Variants in RAD17 observed in about 807,000 individuals in gnomAD.
RAD17 encodes RAD17 checkpoint clamp loader component, also known as cell cycle checkpoint protein RAD17.
Under a neutral mutation model 81.5 loss-of-function variants are expected in RAD17, and 31 were observed. That is an observed-to-expected ratio of 0.38 (90% CI 0.29 to 0.51). RAD17 has a LOEUF of 0.51. RAD17 is among the 20% of genes least tolerant of loss of function. The pLI is 0.88. For synonymous variants in RAD17, 261 were observed against 266.2 expected (o/e 0.98, Z 0.19); for missense variants, 681 against 781.2 (o/e 0.87, Z 1.53).
intron 12 of RAD17, among the ~76,000 whole-genome samples, chr5:69,391,487 C>G (rs982392696): frequency 7.9e-5 from 12 of 152,104 alleles, no homozygotes; most frequent in African/African-American, 2.7e-4. Flanking sequence ...CTCCAATGAG[C>G]ATTTCCTTTG....
intron 17 of RAD17, 55 bp downstream of exon 17, chr5:69,400,224 A>ATTTATTTT: frequency 8.5e-7 from 1 of 1,175,002 alleles, no homozygotes; most frequent in Non-Finnish European, 1.1e-6. Context: ...TTATTTATTT[A>ATTTATTTT]TTTATTTTAT....
intron 6 of RAD17, among the ~76,000 whole-genome samples, chr5:69,378,419 A>G (rs1286639322): frequency 2.0e-5 from 3 of 152,126 alleles, no homozygotes; most frequent in Admixed American, 6.5e-5. Flanking sequence ...GGCTGTACCC[A>G]CTCTGTCAGA....
intron 7 of RAD17, 32 bp downstream of exon 7, chr5:69,382,089 T>G (rs534763904): frequency 9.7e-5 from 155 of 1,594,432 alleles, no homozygotes; most frequent in Non-Finnish European, 1.3e-4. Flanking sequence ...GTAGAAGTAG[T>G]GGGGCAAACC....
intron 17 of RAD17, among the ~76,000 whole-genome samples, chr5:69,400,538 A>G (rs1395012069): frequency 2.0e-5 from 3 of 152,004 alleles, no homozygotes; most frequent in East Asian, 3.9e-4. Flanking sequence ...TTATAGCAAT[A>G]TCTTTTTGTG....
At chr5:69,370,133 G>C (rs923929683) in intron 1 of RAD17, 200 bp downstream of exon 1, 3 of 194,266 alleles carry the variant, frequency 1.5e-5, no homozygotes, top group Non-Finnish European at 3.1e-5. Flanking sequence ...CTGATTACAG[G>C]ATTACGTTGG....
At chr5:69,411,963 CT>C (rs376865716) in intron 18 of RAD17, among the ~76,000 whole-genome samples, 34 of 148,666 alleles carry the variant, frequency 2.3e-4, no homozygotes, top group African/African-American at 6.4e-4. Context: ...ATTTTCTTTT[CT>C]TTTTTTTTTG....
In RAD17 at chr5:69,380,706, T is replaced by G. The variant is rs138067453; in HGVS notation, c.352-1195T>G. 2.6e-3 allele frequency among the ~76,000 whole-genome samples: 400 copies of G among 152,198 alleles called. 1 individual carries two copies. The highest frequency in any genetic ancestry group is 9.4e-3 in the African/African-American group (391 of 41,524). On this transcript the variant is annotated intron_variant, in intron 6 of 18. Transcript: ENST00000354868. ...AATTTACGGTATGAGGGAATGTTAC[T>G]GGGATCCACAACCTCTAGTCTCTCG...
chr5:69,377,661 G>GCA (rs1561240454), intron 6 of RAD17, among the ~76,000 whole-genome samples: 1 of 75,578 alleles, frequency 1.3e-5, no homozygotes, highest in African/African-American at 4.3e-5. Flanking sequence ...ATATATATAT[G>GCA]TATACATATA....
chr5:69,393,528 T>C, intron 15 of RAD17, 28 bp downstream of exon 15: 2 of 1,561,102 alleles, frequency 1.3e-6, no homozygotes, highest in Non-Finnish European at 1.7e-6. Flanking sequence ...AAAATGTTTA[T>C]GTTTATAGTA....
chr5:69,408,830 A>G (rs1765795530), intron 17 of RAD17, among the ~76,000 whole-genome samples: 1 of 151,914 alleles, frequency 6.6e-6, no homozygotes, highest in South Asian at 2.1e-4. Flanking sequence ...TTACTATCTA[A>G]TTGCTCTGTT....
chr5:69,377,046 G>A (rs1462013609), intron 6 of RAD17, among the ~76,000 whole-genome samples: 1 of 152,042 alleles, frequency 6.6e-6, no homozygotes, highest in Admixed American at 6.6e-5. Context: ...GAGTCATCAC[G>A]CCCAGCCAAT....
At chr5:69,410,246 G>A (rs1765883145) in intron 17 of RAD17, among the ~76,000 whole-genome samples, 1 of 152,114 alleles carries the variant, frequency 6.6e-6, no homozygotes. Flanking sequence ...TTCCACAGCA[G>A]CTACACCATT....
At chr5:69,399,072 G>A (rs1390300170) in intron 16 of RAD17, among the ~76,000 whole-genome samples, 2 of 151,804 alleles carry the variant, frequency 1.3e-5, no homozygotes, top group Non-Finnish European at 1.5e-5. Context: ...TTTGAGACCA[G>A]CAATATAGTG....
chr5:69,386,926 CTT>C (rs377383013), intron 11 of RAD17, among the ~76,000 whole-genome samples: 16 of 138,496 alleles, frequency 1.2e-4, no homozygotes, highest in Non-Finnish European at 1.1e-4. Flanking sequence ...GCTGTTGTCA[CTT>C]TTTTTTTTTT....
chr5:69,376,450 G>T (rs1352531390), intron 6 of RAD17, among the ~76,000 whole-genome samples: 1 of 152,192 alleles, frequency 6.6e-6, no homozygotes, highest in Admixed American at 6.5e-5. Flanking sequence ...AACTAGAAAG[G>T]CAGGATAAGT....
At chr5:69,402,003 CA>C (rs1173414879) in intron 17 of RAD17, among the ~76,000 whole-genome samples, 331 of 44,904 alleles carry the variant, frequency 7.4e-3, no homozygotes, top group African/African-American at 0.024. Context: ...GACTCTGTCT[CA>C]AAAAAAAAAA....
At chr5:69,409,474 C>T (rs1438084115) in intron 17 of RAD17, among the ~76,000 whole-genome samples, 1 of 152,072 alleles carries the variant, frequency 6.6e-6, no homozygotes, top group African/African-American at 2.4e-5. Flanking sequence ...GGCTCAGATG[C>T]CTCAGATTCT....
intron 18 of RAD17, 102 bp from the exon 19 acceptor site, chr5:69,413,929 T>C: frequency 7.2e-7 from 1 of 1,384,250 alleles, no homozygotes; most frequent in Non-Finnish European, 9.9e-7. Context: ...AACAGCACAA[T>C]GTAGGTAAAT....
At chr5:69,373,673 C>T (rs1321424150) in intron 4 of RAD17, among the ~76,000 whole-genome samples, 157 bp from the exon 5 acceptor site, 5 of 143,492 alleles carry the variant, frequency 3.5e-5, no homozygotes, top group Non-Finnish European at 7.5e-5. Flanking sequence ...GAGTGAGACC[C>T]GGTCTCAAAA....
Sources: allele counts gnomAD v4.1 joint callset (sites outside exome capture counted in the v4.1 genomes callset), GRCh38; gene constraint gnomAD v4.1.1; transcripts MANE v1.5; gene names NCBI Gene and HGNC (gene_info 2026-07-23, HGNC 2026-07-21).